S100A7: variants seen among roughly 807,000 people sequenced by gnomAD.
S100A7 encodes the protein protein S100-A7.
A neutral mutation model predicts 3.8 loss-of-function variants in S100A7; 2 were observed. The ratio of observed to expected loss-of-function variants is 0.53; its 90% CI spans 0.22 to 1.67. The LOEUF is 1.67. S100A7 is among the 40% of genes most tolerant of loss of function. The probability of loss-of-function intolerance (pLI) is 0.20; values close to 1 mark genes in which losing one functional copy is unlikely to be tolerated. For synonymous variants in S100A7, 55 were observed against 45.9 expected (o/e 1.20, Z -0.80); for missense variants, 130 against 126.3 (o/e 1.03, Z -0.14).
chr1:153,459,369 T>C lies in S100A7; in HGVS notation c.-17-339A>G, dbSNP rs573583979. On this transcript the variant is annotated intron_variant, in intron 1 of 2. Coordinates refer to ENST00000368723, the MANE Select transcript of S100A7 (RefSeq NM_002963.4). ...GGACACCCCAGCCTCAGCCAGCACA[T>C]GGCAGACCCCACTCTTAAAAGAGCA... Among the ~76,000 whole-genome samples the C allele has an allele frequency of 1.4e-4, 22 of 152,296 alleles. No homozygotes were observed. The South Asian group carries it at 4.6e-3, about 32-fold the overall frequency.
intron 2 of S100A7, 146 bp from the exon 3 acceptor site, chr1:153,458,116 G>A (rs1165952683): frequency 4.5e-6 from 4 of 884,952 alleles, no homozygotes; most frequent in Non-Finnish European, 7.0e-6. Context: ...GTGAGTGGGT[G>A]AAGTTGGGGT....
intron 1 of S100A7, 139 bp from the exon 2 acceptor site, chr1:153,459,169 G>A (rs1663761518): frequency 9.6e-7 from 1 of 1,036,570 alleles, no homozygotes; most frequent in African/African-American, 1.6e-5. Context: ...TTTTTAATGT[G>A]ATGGGATAAG....
intron 2 of S100A7, among the ~76,000 whole-genome samples, chr1:153,458,608 A>T (rs1170084663): frequency 6.6e-6 from 1 of 152,146 alleles, no homozygotes; most frequent in Non-Finnish European, 1.5e-5. Flanking sequence ...TCTCACAGAG[A>T]GAGGGTCAGT....
intron 1 of S100A7, 101 bp from the exon 2 acceptor site, chr1:153,459,131 T>C: frequency 7.1e-7 from 1 of 1,413,080 alleles, no homozygotes; most frequent in Non-Finnish European, 9.6e-7. Context: ...AAAACACGGA[T>C]AAGGTGTAGC....
chr1:153,458,507 C>T (rs1663741639), intron 2 of S100A7, among the ~76,000 whole-genome samples: 2 of 152,074 alleles, frequency 1.3e-5, no homozygotes, highest in Non-Finnish European at 2.9e-5. Context: ...TTGATTTCTA[C>T]TAACAATGGA....
rs780617807 is a variant in S100A7 at position 153,458,900 on chromosome 1, C to T, written c.114G>A (p.Glu38=). The T allele has an allele frequency of 5.6e-6, 9 of 1,613,762 alleles. No homozygotes were observed. ...AGGCACTAAGGAAGTTGGGGAAGTT[C>T]TCCTTCATCATCGTCAGCAGGCTTG... is the stretch of plus-strand genomic sequence containing the variant. ...EKPSLLTMMK[E]NFPNFLSACD... Residue 38 remains glutamate (E), a synonymous_variant, in exon 2 of 3, where the codon GAG becomes GAA. Coordinates refer to ENST00000368723, the MANE Select transcript of S100A7 (RefSeq NM_002963.4).
In S100A7 at chr1:153,457,745, C is replaced by G; in HGVS notation, c.*61G>C. ...GAGAAGAAGAAAATAAGGCAAGTGT[C>G]TGGTGGGAGAAGACATTTTATTGTT... On this transcript the variant is annotated 3_prime_UTR_variant, in exon 3 of 3. Coordinates refer to ENST00000368723, the MANE Select transcript of S100A7 (RefSeq NM_002963.4). 1.3e-6 allele frequency: 2 copies of G among 1,564,354 alleles called. No individual in the cohort carries two copies. The highest frequency in any genetic ancestry group is 3.4e-4 in the Middle Eastern group (2 of 5,830).
intron 1 of S100A7, among the ~76,000 whole-genome samples, chr1:153,459,598 G>A (rs1266389101): frequency 6.6e-6 from 1 of 152,178 alleles, no homozygotes; most frequent in East Asian, 1.9e-4. Flanking sequence ...AGTGTTAGCA[G>A]GAAACACAGT....
intron 1 of S100A7, among the ~76,000 whole-genome samples, chr1:153,460,205 G>T (rs1663794621): frequency 6.6e-6 from 1 of 152,186 alleles, no homozygotes; most frequent in African/African-American, 2.4e-5. Flanking sequence ...AGGCCTGGGG[G>T]TTTGGAGAGC....
At chr1:153,460,211 A>G (rs182642329) in intron 1 of S100A7, among the ~76,000 whole-genome samples, 1 of 152,248 alleles carries the variant, frequency 6.6e-6, no homozygotes, top group Admixed American at 6.5e-5. Context: ...GGGGGTTTGG[A>G]GAGCCTCCAA....
At chr1:153,459,201 G>A (rs79404289) in intron 1 of S100A7, among the ~76,000 whole-genome samples, 171 bp from the exon 2 acceptor site, 1 of 152,160 alleles carries the variant, frequency 6.6e-6, no homozygotes, top group East Asian at 1.9e-4. Flanking sequence ...TGAGAGGGTA[G>A]GACCAAGTCT....
chr1:153,458,054 C>T, intron 2 of S100A7, 84 bp from the exon 3 acceptor site: 1 of 1,463,902 alleles, frequency 6.8e-7, no homozygotes, highest in Non-Finnish European at 9.4e-7. Flanking sequence ...GGCAGAGATA[C>T]AGACAAGTAC....
At chr1:153,460,205 G>A (rs1663794621) in intron 1 of S100A7, among the ~76,000 whole-genome samples, 1 of 152,186 alleles carries the variant, frequency 6.6e-6, no homozygotes, top group Non-Finnish European at 1.5e-5. Context: ...AGGCCTGGGG[G>A]TTTGGAGAGC....
chr1:153,459,653 G>A (rs532962454), intron 1 of S100A7, among the ~76,000 whole-genome samples: 1 of 152,254 alleles, frequency 6.6e-6, no homozygotes, highest in Non-Finnish European at 1.5e-5. Flanking sequence ...CCTTGGGAAC[G>A]AGAAACAGGA....
chr1:153,457,960 C>T lies in S100A7; in HGVS notation c.152G>A (p.Gly51Asp), dbSNP rs1289410263. ...PNFLSACDKK[G>D]TNYLADVFEK... The stretch of plus-strand genomic sequence containing the variant: ...AAAGACATCGGCGAGGTAATTTGTG[C>T]CCTTTTTGTCCTGTGAAGAGAAAAA... Residue 51 changes from glycine (G) to aspartate (D), a missense_variant, in exon 3 of 3, where the codon GGC becomes GAC. Coordinates refer to ENST00000368723, the MANE Select transcript of S100A7 (RefSeq NM_002963.4). The T allele has an allele frequency of 1.9e-6, 3 of 1,613,820 alleles. No homozygotes were observed. In the South Asian group the frequency reaches 3.3e-5, roughly 18 times the overall value.
In S100A7 at chr1:153,457,903, ATCT is replaced by A; in HGVS notation, c.206_208del (p.Lys69del). On this transcript the variant is annotated inframe_deletion, in exon 3 of 3. Coordinates refer to ENST00000368723, the MANE Select transcript of S100A7 (RefSeq NM_002963.4). ...CAAGGACAGAAACTCAGAAAAATCA[ATCT>A]TCTTATCCTCATTCTTGTCCTTTTT... 1 of 1,614,160 alleles carries A rather than the reference ATCT, an allele frequency of 6.2e-7. No individual in the cohort carries two copies. The highest frequency in any genetic ancestry group is 8.5e-7 in the Non-Finnish European group (1 of 1,180,038).
chr1:153,459,392 G>T (rs1055099956), intron 1 of S100A7, among the ~76,000 whole-genome samples: 1 of 152,198 alleles, frequency 6.6e-6, no homozygotes. Context: ...TCTTAAAAGA[G>T]CACCAAATCC....
At chr1:153,460,189 G>A (rs1663794227) in intron 1 of S100A7, among the ~76,000 whole-genome samples, 1 of 152,206 alleles carries the variant, frequency 6.6e-6, no homozygotes, top group African/African-American at 2.4e-5. Context: ...GCTGTGTCGG[G>A]GTCCCAGGCC....
intron 2 of S100A7, 149 bp from the exon 3 acceptor site, chr1:153,458,119 G>C: frequency 2.3e-6 from 2 of 854,750 alleles, no homozygotes; most frequent in Non-Finnish European, 1.8e-6. Flanking sequence ...AGTGGGTGAA[G>C]TTGGGGTGAG....
Sources: allele counts gnomAD v4.1 joint callset (sites outside exome capture counted in the v4.1 genomes callset), GRCh38; gene constraint gnomAD v4.1.1; transcripts MANE v1.5; gene names NCBI Gene and HGNC (gene_info 2026-07-23, HGNC 2026-07-21).